PTN: variants seen among roughly 807,000 people sequenced by gnomAD.
The protein encoded by PTN is heparin affin regulatory protein.
PTN carries 18 observed loss-of-function variants against 24.1 expected under a neutral mutation model. The ratio of observed to expected loss-of-function variants is 0.75; its 90% CI spans 0.52 to 1.11. PTN has a LOEUF of 1.11. PTN is among the 50% of genes least tolerant of loss of function. The probability of loss-of-function intolerance (pLI) is 0.00; values close to 1 mark genes in which losing one functional copy is unlikely to be tolerated. For synonymous variants in PTN, 78 were observed against 68.6 expected (o/e 1.14, Z -0.67); for missense variants, 163 against 198.8 (o/e 0.82, Z 1.08).
At position 137,264,210 on chromosome 7, in the gene PTN, C is replaced by T. The variant is rs144255424; in HGVS notation, c.-1-9236G>A. On this transcript the variant is annotated intron_variant, in intron 1 of 4. Coordinates refer to ENST00000348225, the MANE Select transcript of PTN (RefSeq NM_002825.7). ...ACAAACATAACATTTAGAGACTGCG[C>T]TACATACCTTGGATAGAATAGCATT... Among the ~76,000 whole-genome samples the T allele has an allele frequency of 6.2e-4, 94 of 152,234 alleles. 1 individual carries two copies. The East Asian group carries it at 0.018, about 29-fold the overall frequency.
chr7:137,271,834 C>T (rs1436657964), intron 1 of PTN, among the ~76,000 whole-genome samples: 1 of 152,238 alleles, frequency 6.6e-6, no homozygotes, highest in Non-Finnish European at 1.5e-5. Flanking sequence ...CATTTACTTT[C>T]TCTGAAACTT....
intron 1 of PTN, among the ~76,000 whole-genome samples, chr7:137,294,136 T>C (rs1276270367): frequency 6.6e-6 from 1 of 152,134 alleles, no homozygotes; most frequent in Non-Finnish European, 1.5e-5. Context: ...AAGCCTTCCA[T>C]ATTTTAGACC....
At chr7:137,314,430 C>T (rs1230684574) in intron 1 of PTN, among the ~76,000 whole-genome samples, 2 of 152,122 alleles carry the variant, frequency 1.3e-5, no homozygotes, top group East Asian at 3.8e-4. Context: ...TAGCACAATG[C>T]AAAGTTTACA....
chr7:137,334,963 T>A (rs1374566900), intron 1 of PTN, among the ~76,000 whole-genome samples: 1 of 145,342 alleles, frequency 6.9e-6, no homozygotes, highest in East Asian at 2.1e-4. Flanking sequence ...AAACACTACA[T>A]GTTCTCACTC....
At chr7:137,328,202 C>T (rs112810581) in intron 1 of PTN, among the ~76,000 whole-genome samples, 10 of 152,286 alleles carry the variant, frequency 6.6e-5, no homozygotes, top group Non-Finnish European at 1.2e-4. Context: ...TAGATCACTG[C>T]TTTTACCCTA....
intron 1 of PTN, among the ~76,000 whole-genome samples, chr7:137,322,304 A>G (rs1373208917): frequency 6.6e-6 from 1 of 152,188 alleles, no homozygotes; most frequent in Non-Finnish European, 1.5e-5. Context: ...GATGTTTTCA[A>G]CTGGTGACAT....
At chr7:137,238,757 G>T (rs1808568082) in intron 4 of PTN, among the ~76,000 whole-genome samples, 1 of 152,116 alleles carries the variant, frequency 6.6e-6, no homozygotes, top group East Asian at 1.9e-4. Context: ...TACTTTAGCT[G>T]CCATGCAGCT....
chr7:137,323,261 T>G (rs952510427), intron 1 of PTN, among the ~76,000 whole-genome samples: 1 of 152,234 alleles, frequency 6.6e-6, no homozygotes, highest in African/African-American at 2.4e-5. Context: ...AAAGAAGGGA[T>G]GTGATGGGTC....
intron 1 of PTN, among the ~76,000 whole-genome samples, chr7:137,337,238 G>T (rs1307903916): frequency 6.6e-6 from 1 of 152,136 alleles, no homozygotes; most frequent in Non-Finnish European, 1.5e-5. Context: ...CATTGGATTT[G>T]GGGTTTGACA....
At chr7:137,284,194 G>T (rs2128876445) in intron 1 of PTN, among the ~76,000 whole-genome samples, 1 of 151,506 alleles carries the variant, frequency 6.6e-6, no homozygotes, top group South Asian at 2.1e-4. Flanking sequence ...CCGACCTCGT[G>T]ATCCGCCCGC....
intron 1 of PTN, among the ~76,000 whole-genome samples, chr7:137,331,637 T>C (rs547481057): frequency 1.3e-5 from 2 of 152,286 alleles, no homozygotes; most frequent in South Asian, 2.1e-4. Flanking sequence ...TTGCTGATCT[T>C]GCAGTTTACC....
chr7:137,242,913 G>A (rs1417360186), intron 4 of PTN, among the ~76,000 whole-genome samples: 4 of 152,204 alleles, frequency 2.6e-5, no homozygotes, highest in Non-Finnish European at 5.9e-5. Flanking sequence ...ATCATCTAAG[G>A]GGACCACTGA....
At position 137,334,187 on chromosome 7, in the gene PTN, C is replaced by A. The variant is rs1810407084; in HGVS notation, c.-2+9252G>T. On this transcript the variant is annotated intron_variant, in intron 1 of 4. Coordinates refer to ENST00000348225, the MANE Select transcript of PTN (RefSeq NM_002825.7). ...CAATGGCAACAAAAGACAAAATTGACAAATGGGATCTAATTAAACTAAAGA... is the reference window on the plus strand; with the variant it reads ...CAATGGCAACAAAAGACAAAATTGAAAAATGGGATCTAATTAAACTAAAGA... Among the ~76,000 whole-genome samples, 6 of 149,760 alleles carry A rather than the reference C, an allele frequency of 4.0e-5. No homozygotes were observed. In the South Asian group the frequency reaches 1.3e-3, roughly 32 times the overall value.
intron 1 of PTN, among the ~76,000 whole-genome samples, chr7:137,314,951 A>G (rs1810046544): frequency 6.6e-6 from 1 of 152,120 alleles, no homozygotes; most frequent in South Asian, 2.1e-4. Context: ...CATAATTAAT[A>G]CTTTAGACAT....
Position 137,283,952 on chromosome 7 carries a change from A to ATTTTT in PTN, c.-1-28983_-1-28979dup, listed in dbSNP as rs753374720. Among the ~76,000 whole-genome samples the ATTTTT allele has an allele frequency of 5.6e-3, 275 of 48,918 alleles. 70 individuals are homozygous for ATTTTT. The highest frequency in any genetic ancestry group is 7.3e-3 in the Non-Finnish European group (218 of 29,934). The allele number at this position is 48,918 out of a possible 152,430, so 32.1% of individuals were successfully genotyped here. A position where few individuals can be genotyped will look rare whatever the true frequency, so the allele number is the denominator to read the frequency against. On this transcript the variant is annotated intron_variant, in intron 1 of 4. Coordinates refer to ENST00000348225, the MANE Select transcript of PTN (RefSeq NM_002825.7). ...AAATGAATGTGAAAATGAGCATCAGATTTTTTTTTTTTTTTTTTTTTTTTT... is the reference window on the plus strand; with the variant it reads ...AAATGAATGTGAAAATGAGCATCAGATTTTTTTTTTTTTTTTTTTTTTTTTTTTTT...
At chr7:137,294,501 G>T (rs151195614) in intron 1 of PTN, among the ~76,000 whole-genome samples, 62 of 152,208 alleles carry the variant, frequency 4.1e-4, no homozygotes, top group African/African-American at 1.4e-3. Context: ...TGTCTGCTTT[G>T]CTTGGCAGTC....
intron 1 of PTN, among the ~76,000 whole-genome samples, chr7:137,341,886 C>A (rs1398069918): frequency 6.6e-6 from 1 of 151,958 alleles, no homozygotes; most frequent in Non-Finnish European, 1.5e-5. Flanking sequence ...AAAATCTCAT[C>A]TTCTAATTTA....
chr7:137,313,562 A>T (rs1000684997), intron 1 of PTN, among the ~76,000 whole-genome samples: 2 of 152,172 alleles, frequency 1.3e-5, no homozygotes, highest in South Asian at 4.1e-4. Flanking sequence ...TTTAAACTAT[A>T]ATAGCTGGAG....
intron 1 of PTN, among the ~76,000 whole-genome samples, chr7:137,333,167 C>A (rs1345573554): frequency 6.6e-6 from 1 of 152,118 alleles, no homozygotes; most frequent in Admixed American, 6.6e-5. Context: ...AGTCTGGTAC[C>A]TTCCTGTCTT....
Sources: allele counts gnomAD v4.1 joint callset (sites outside exome capture counted in the v4.1 genomes callset), GRCh38; gene constraint gnomAD v4.1.1; transcripts MANE v1.5; gene names NCBI Gene and HGNC (gene_info 2026-07-23, HGNC 2026-07-21).